PCSK5: variants seen among roughly 807,000 people sequenced by gnomAD.
The protein encoded by PCSK5 is proprotein convertase subtilisin/kexin type 5.
Under a neutral mutation model 233.2 loss-of-function variants are expected in PCSK5, and 129 were observed. That is an observed-to-expected ratio of 0.55 (90% CI 0.48 to 0.64). The LOEUF (loss-of-function observed/expected upper bound fraction) is 0.64. PCSK5 is among the 30% of genes least tolerant of loss of function. The pLI, the probability that PCSK5 is intolerant of heterozygous loss-of-function variation, is 0.00. For synonymous variants in PCSK5, 825 were observed against 879.2 expected, an observed-to-expected ratio of 0.94 and a Z score of 1.09; for missense variants, 2,076 against 2,430.1, an observed-to-expected ratio of 0.85 and a Z score of 3.06.
intron 30 of PCSK5, among the ~76,000 whole-genome samples, chr9:76,312,268 T>C (rs1242859314): frequency 6.6e-6 from 1 of 152,200 alleles, no homozygotes; most frequent in Admixed American, 6.5e-5. Flanking sequence ...CACAGCATTT[T>C]GGGAGGCCAA....
At position 76,354,182 on chromosome 9, in the gene PCSK5, C is replaced by G. The variant is rs761592847; in HGVS notation, c.5217C>G (p.Pro1739=). The G allele has an allele frequency of 1.6e-4, 252 of 1,589,420 alleles. No individual in the cohort carries two copies. The highest frequency in any genetic ancestry group is 2.0e-4 in the Non-Finnish European group (235 of 1,168,724). The part of the protein sequence containing the change: ...CLHCCNTSDP[P]SAQECCDCQD... ...ACTGCTGCAACACCTCTGATCCCCCCAGTGCCCAGGAGTGCTGTGACTGCC... is the reference window on the plus strand; with the variant it reads ...ACTGCTGCAACACCTCTGATCCCCCGAGTGCCCAGGAGTGCTGTGACTGCC... Residue 1739 remains proline, a synonymous_variant, in exon 37 of 38, where the codon CCC becomes CCG. Transcript: ENST00000674117.
intron 2 of PCSK5, among the ~76,000 whole-genome samples, chr9:75,946,687 C>T (rs767592391): frequency 2.0e-5 from 3 of 152,186 alleles, no homozygotes; most frequent in Non-Finnish European, 4.4e-5. Flanking sequence ...CTCTCGGGTT[C>T]AAGTGATTCT....
At chr9:76,074,781 A>G (rs1313784631) in intron 7 of PCSK5, among the ~76,000 whole-genome samples, 3 of 152,218 alleles carry the variant, frequency 2.0e-5, no homozygotes, top group Admixed American at 6.5e-5. Flanking sequence ...TAATAAATGC[A>G]TTTTATTTTT....
At chr9:76,184,881 C>A (rs1824032349) in intron 17 of PCSK5, 124 bp downstream of exon 17, 1 of 535,970 alleles carries the variant, frequency 1.9e-6, no homozygotes, top group Non-Finnish European at 3.3e-6. Flanking sequence ...GTTTGACTCC[C>A]ATTCAAGCAC....
chr9:76,327,403 A>C (rs1409595288), intron 32 of PCSK5, among the ~76,000 whole-genome samples: 1 of 152,178 alleles, frequency 6.6e-6, no homozygotes, highest in Non-Finnish European at 1.5e-5. Context: ...CACTGCACCC[A>C]GCCCCCGTCT....
chr9:76,008,307 T>G (rs975655452), intron 3 of PCSK5, among the ~76,000 whole-genome samples: 1 of 152,196 alleles, frequency 6.6e-6, no homozygotes, highest in Non-Finnish European at 1.5e-5. Flanking sequence ...TTTAAAAATT[T>G]CATAGTTTCT....
chr9:75,923,141 T>G (rs1446455810), intron 1 of PCSK5, among the ~76,000 whole-genome samples: 1 of 152,158 alleles, frequency 6.6e-6, no homozygotes, highest in Non-Finnish European at 1.5e-5. Context: ...AGCATAGATT[T>G]TTGGAATCAG....
In PCSK5 at chr9:75,990,319, G is replaced by A. The variant is rs769196314; in HGVS notation, c.411+4074G>A. 4.3e-4 allele frequency among the ~76,000 whole-genome samples: 65 copies of A among 152,146 alleles called. 1 individual carries two copies. The highest frequency in any genetic ancestry group is 2.2e-4 in the Non-Finnish European group (15 of 68,028). On this transcript the variant is annotated intron_variant, in intron 3 of 37. Coordinates refer to ENST00000674117, the MANE Select transcript of PCSK5 (RefSeq NM_001372043.1). ...AAAGAATGGCATGAAGTGTGCCTGC[G>A]TGTCTCTTTTAATTAATTTACAAGC... is the stretch of plus-strand genomic sequence containing the variant.
Position 76,296,680 on chromosome 9 carries a change from G to T in PCSK5, c.3338G>T (p.Arg1113Met). 6.2e-7 allele frequency: 1 copy of T among 1,611,470 alleles called. No individual in the cohort carries two copies. The highest frequency in any genetic ancestry group is 1.3e-5 in the African/African-American group (1 of 75,034). Residue 1113 changes from arginine to methionine, a missense_variant, in exon 27 of 38, where the codon AGG becomes ATG. Coordinates refer to ENST00000674117, the MANE Select transcript of PCSK5 (RefSeq NM_001372043.1). ...TCTCACATAGGTGGCAGTTGTGTGA[G>T]GAAATGTGGTCCTGGATTCTATGGT... ...GFFLLGGSCVRKCGPGFYGDQ... is the reference protein window; with the variant it reads ...GFFLLGGSCVMKCGPGFYGDQ...
chr9:76,089,058 A>C (rs910112390), intron 7 of PCSK5, among the ~76,000 whole-genome samples: 1 of 152,060 alleles, frequency 6.6e-6, no homozygotes, highest in African/African-American at 2.4e-5. Context: ...TTGAGCTTTA[A>C]AAATAGGAAC....
chr9:75,981,685 TG>T (rs1441432045), intron 2 of PCSK5, among the ~76,000 whole-genome samples: 1 of 152,128 alleles, frequency 6.6e-6, no homozygotes, highest in Non-Finnish European at 1.5e-5. Context: ...CCTAAGTAGC[TG>T]GGACTACAGG....
At chr9:76,158,196 G>A (rs1204117572) in intron 11 of PCSK5, among the ~76,000 whole-genome samples, 1 of 152,146 alleles carries the variant, frequency 6.6e-6, no homozygotes, top group East Asian at 1.9e-4. Flanking sequence ...ATAAACAAAT[G>A]TTGGAAATTT....
At chr9:76,043,082 C>G (rs1485979745) in intron 5 of PCSK5, among the ~76,000 whole-genome samples, 4 of 152,154 alleles carry the variant, frequency 2.6e-5, no homozygotes, top group African/African-American at 7.2e-5. Flanking sequence ...CGCCGTCGCT[C>G]ACGCCTGTAA....
At chr9:76,093,080 C>CTTTTTTTT (rs71372045) in intron 7 of PCSK5, among the ~76,000 whole-genome samples, 3 of 85,704 alleles carry the variant, frequency 3.5e-5, no homozygotes, top group Non-Finnish European at 6.7e-5. Flanking sequence ...TTGTCTTTCC[C>CTTTTTTTT]TTTTTTTTTT....
chr9:76,358,853 T>G lies in PCSK5; in HGVS notation c.5595T>G (p.Tyr1865Ter). Residue 1865 changes from tyrosine (Y) to a stop codon, truncating the protein, a stop_gained, in exon 38 of 38, where the codon TAT becomes TAG. Transcript: ENST00000674117. LOFTEE classifies it high-confidence loss of function. Reference protein sequence around the residue: ...QDGTVYRKFKYGLLDDDDIDE... With the variant: ...QDGTVYRKFK ...GCACAGTCTACCGGAAATTTAAATA[T>G]GGGCTGCTGGATGACGATGACATAG... 6.2e-7 allele frequency: 1 copy of G among 1,612,866 alleles called. No individual in the cohort carries two copies. Among genetic ancestry groups the G allele is most frequent in the South Asian group, 1.1e-5 (1 of 91,076 alleles).
chr9:76,114,997 G>A lies in PCSK5; in HGVS notation c.1208+7646G>A, dbSNP rs1027907553. ...ACAGAGAGAAGTGGGTAGATTTGAT[G>A]TATATTTTGTAGGTATAGCCAACAG... On this transcript the variant is annotated intron_variant, in intron 9 of 37. Coordinates refer to ENST00000674117, the MANE Select transcript of PCSK5 (RefSeq NM_001372043.1). Among the ~76,000 whole-genome samples, 8 of 152,118 alleles carry A rather than the reference G, an allele frequency of 5.3e-5. No individual in the cohort carries two copies. In the East Asian group the frequency reaches 1.2e-3, roughly 22 times the overall value.
At chr9:75,889,852 T>C (rs1194492778), upstream of PCSK5, among the ~76,000 whole-genome samples, 1 of 152,238 alleles carries the variant, frequency 6.6e-6, no homozygotes, top group East Asian at 1.9e-4. Context: ...ATATCTCATC[T>C]GAACTTCCTC....
intron 7 of PCSK5, among the ~76,000 whole-genome samples, chr9:76,082,843 G>T (rs1165882476): frequency 1.3e-5 from 2 of 152,102 alleles, no homozygotes; most frequent in Non-Finnish European, 1.5e-5. Flanking sequence ...AAAAAAACTT[G>T]AAATGGTATC....
intron 20 of PCSK5, among the ~76,000 whole-genome samples, chr9:76,211,450 A>C (rs1364966420): frequency 1.3e-5 from 2 of 152,200 alleles, no homozygotes; most frequent in Non-Finnish European, 2.9e-5. Context: ...TAGCTTCTTC[A>C]TCTGTAAAAT....
Sources: allele counts gnomAD v4.1 joint callset (sites outside exome capture counted in the v4.1 genomes callset), GRCh38; gene constraint gnomAD v4.1.1; transcripts MANE v1.5; gene names NCBI Gene and HGNC (gene_info 2026-07-23, HGNC 2026-07-21).